Variants in SLFN12 observed in about 807,000 individuals in gnomAD.
The protein encoded by SLFN12 is ribonuclease SLFN12.
A neutral mutation model predicts 29.1 loss-of-function variants in SLFN12; 25 were observed. The observed-to-expected ratio is 0.86, with a 90% CI of 0.63 to 1.20. SLFN12 has a LOEUF of 1.20. SLFN12 is among the 50% of genes most tolerant of loss of function. The pLI, the probability that SLFN12 is intolerant of heterozygous loss-of-function variation, is 0.00. For missense variants in SLFN12, 660 were observed against 666.2 expected (o/e 0.99, Z 0.10); for synonymous variants, 257 against 238.7 (o/e 1.08, Z -0.71).
chr17:35,420,242 T>C (rs747006472), intron 3 of SLFN12, 32 bp downstream of exon 3: 5 of 1,515,068 alleles, frequency 3.3e-6, no homozygotes, highest in Non-Finnish European at 4.6e-6. Context: ...ACAGTCACAC[T>C]AACAAATCCG....
At chr17:35,420,594 A>G (rs1597774295) in intron 2 of SLFN12, 1 of 370,144 alleles carries the variant, frequency 2.7e-6, no homozygotes, top group Admixed American at 4.5e-5. Flanking sequence ...ATGAAAATTA[A>G]CAGTAAAAAT....
intron 3 of SLFN12, among the ~76,000 whole-genome samples, chr17:35,414,384 T>G (rs1397264263): frequency 6.6e-6 from 1 of 152,008 alleles, no homozygotes; most frequent in Non-Finnish European, 1.5e-5. Context: ...AAAAAATACT[T>G]GATAATAAAT....
At chr17:35,415,523 C>T in intron 3 of SLFN12, among the ~76,000 whole-genome samples, 1 of 151,930 alleles carries the variant, frequency 6.6e-6, no homozygotes, top group Non-Finnish European at 1.5e-5. Context: ...TGAGAAGTAA[C>T]TAAACTAAAA....
intron 1 of SLFN12, among the ~76,000 whole-genome samples, 163 bp from the exon 2 acceptor site, chr17:35,423,231 A>G (rs1245186074): frequency 6.6e-6 from 1 of 152,124 alleles, no homozygotes; most frequent in Non-Finnish European, 1.5e-5. Context: ...AGACCGCAAT[A>G]ATTTATACTC....
intron 1 of SLFN12, among the ~76,000 whole-genome samples, chr17:35,429,585 T>A (rs1912195827): frequency 6.6e-6 from 1 of 152,124 alleles, no homozygotes; most frequent in Non-Finnish European, 1.5e-5. Context: ...TGTTGTTGGC[T>A]ATCTTTAATG....
chr17:35,411,413 T>A lies in SLFN12; in HGVS notation c.1662A>T (p.Leu554=), dbSNP rs763297876. ...AGCAATCTATACCGATTATCTGGTA[T>A]AGATTTTCTGCAAAGGAAAACTGGT... is the stretch of plus-strand genomic sequence containing the variant. ...LRDQFSFAEN[L]YQIIGIDCFQ... is the part of the protein sequence containing the mutation. The change falls in exon 4 of 4, where the codon CTA becomes CTT. Residue 554 remains leucine (L), a synonymous_variant. Transcript: ENST00000304905. 1 of 1,610,212 alleles carries A rather than the reference T, an allele frequency of 6.2e-7. No individual in the cohort carries two copies. The highest frequency in any genetic ancestry group is 1.3e-5 in the African/African-American group (1 of 74,562).
At position 35,422,806 on chromosome 17, in the gene SLFN12, T is replaced by C. The variant is rs756347599; in HGVS notation, c.223A>G (p.Ile75Val). ...NEDYSYTKDG[I>V]GLDLENSFSN... is the part of the protein sequence containing the mutation. Reference sequence around the variant, plus strand: ...AAAGAATTTTCCAAATCTAGTCCTATTCCATCTTTTGTATAACTATAGTCT... The same window carrying C: ...AAAGAATTTTCCAAATCTAGTCCTACTCCATCTTTTGTATAACTATAGTCT... Residue 75 changes from isoleucine (I) to valine (V), a missense_variant, in exon 2 of 4, where the codon ATA becomes GTA. By Grantham distance (29) the Ile-to-Val change is conservative. Coordinates refer to ENST00000304905, the MANE Select transcript of SLFN12 (RefSeq NM_018042.5). The C allele has an allele frequency of 6.2e-7, 1 of 1,613,768 alleles. No individual in the cohort carries two copies.
chr17:35,414,264 A>G (rs1911197166), intron 3 of SLFN12, among the ~76,000 whole-genome samples: 1 of 152,144 alleles, frequency 6.6e-6, no homozygotes, highest in African/African-American at 2.4e-5. Flanking sequence ...CAGAACAAAT[A>G]AAAGAATTCA....
At position 35,420,276 on chromosome 17, in the gene SLFN12, G is replaced by C. The variant is rs1315988691; in HGVS notation, c.1145C>G (p.Pro382Arg). 6.2e-7 allele frequency: 1 copy of C among 1,607,280 alleles called. No homozygotes were observed. The highest frequency in any genetic ancestry group is 1.1e-5 in the South Asian group (1 of 90,860). ...CGAAGAAGCCAGAATGAAATTACCTGGACAGTGATGTCTCTGCCGTTGCCA... is the reference window on the plus strand; with the variant it reads ...CGAAGAAGCCAGAATGAAATTACCTCGACAGTGATGTCTCTGCCGTTGCCA... Reference protein sequence around the residue: ...LEWQRQRHHCPGLSGRITYTP... With the variant: ...LEWQRQRHHCRGLSGRITYTP... The change falls in exon 3 of 4, where the codon CCA (proline) becomes CGA (arginine). Residue 382 changes from proline (P) to arginine (R), a missense_variant and splice_region_variant. By Grantham distance (103) the Pro-to-Arg change is moderately radical. Coordinates refer to ENST00000304905, the MANE Select transcript of SLFN12 (RefSeq NM_018042.5).
Position 35,422,412 on chromosome 17 carries a change from A to G in SLFN12, c.617T>C (p.Ile206Thr). 6.2e-7 allele frequency: 1 copy of G among 1,613,866 alleles called. No homozygotes were observed. Among genetic ancestry groups the G allele is most frequent in the Non-Finnish European group, 8.5e-7 (1 of 1,179,936 alleles). ...LTFTESTHVE[I>T]KNFSTEKLLQ... ...CAACTTTTCTGTCGAGAAGTTTTTAATTTCAACATGTGTGGATTCAGTAAA... is the reference window on the plus strand; with the variant it reads ...CAACTTTTCTGTCGAGAAGTTTTTAGTTTCAACATGTGTGGATTCAGTAAA... The change falls in exon 2 of 4, where the codon ATT (isoleucine) becomes ACT (threonine). Residue 206 changes from isoleucine (I) to threonine (T), a missense_variant. By Grantham distance (89) the Ile-to-Thr change is moderately conservative. Transcript: ENST00000304905.
chr17:35,419,453 T>C (rs535197767), intron 3 of SLFN12, among the ~76,000 whole-genome samples: 1 of 152,150 alleles, frequency 6.6e-6, no homozygotes, highest in South Asian at 2.1e-4. Flanking sequence ...ATTAGAAAAA[T>C]GGTCAAAGAC....
chr17:35,424,352 TA>T (rs1272628255), intron 1 of SLFN12, among the ~76,000 whole-genome samples: 1 of 152,082 alleles, frequency 6.6e-6, no homozygotes, highest in South Asian at 2.1e-4. Flanking sequence ...TTTAACTTTT[TA>T]AAAAAAGTGT....
intron 1 of SLFN12, among the ~76,000 whole-genome samples, chr17:35,428,134 A>G (rs1912112687): frequency 6.6e-6 from 1 of 152,178 alleles, no homozygotes; most frequent in Admixed American, 6.5e-5. Context: ...AAGTATATAG[A>G]GTGTATATAT....
intron 1 of SLFN12, chr17:35,430,338 T>C (rs1394993567): frequency 1.3e-5 from 2 of 152,160 alleles, no homozygotes; most frequent in Non-Finnish European, 2.9e-5. Context: ...GTTTGGTCTG[T>C]TGGGGCCATG....
Position 35,411,534 on chromosome 17 carries a change from G to C in SLFN12, c.1541C>G (p.Ser514Trp). 6.2e-7 allele frequency: 1 copy of C among 1,613,982 alleles called. No homozygotes were observed. The highest frequency in any genetic ancestry group is 8.5e-7 in the Non-Finnish European group (1 of 1,179,982). ...GMTSCQYDLR[S>W]QVIYPESYYF... The stretch of plus-strand genomic sequence containing the variant: ...GTAGGATTCAGGGTAAATTACTTGC[G>C]ACCTTAAATCATACTGGCAGCTTGT... The change falls in exon 4 of 4, where the codon TCG (serine) becomes TGG (tryptophan). Residue 514 changes from serine (S) to tryptophan (W), a missense_variant. Coordinates refer to ENST00000304905, the MANE Select transcript of SLFN12 (RefSeq NM_018042.5).
chr17:35,425,818 T>TTTTTC lies in SLFN12; in HGVS notation c.-40-2755_-40-2751dup, dbSNP rs1397735905. Among the ~76,000 whole-genome samples the TTTTTC allele has an allele frequency of 8.1e-3, 1,140 of 140,204 alleles. 36 individuals are homozygous for TTTTTC. Among genetic ancestry groups the TTTTTC allele is most frequent in the South Asian group, 0.035 (117 of 3,306 alleles). The allele number at this position is 140,204 out of a possible 152,430, so 92.0% of individuals were successfully genotyped here. On this transcript the variant is annotated intron_variant, in intron 1 of 3. Transcript: ENST00000304905. ...AGGTTGCTGAATCATATGGTGGTTC[T>TTTTTC]TTTTCTTTTCTTTTCTTTTCTTTTT...
At position 35,411,597 on chromosome 17, in the gene SLFN12, A is replaced by G. The variant is rs757296620; in HGVS notation, c.1478T>C (p.Val493Ala). The G allele has an allele frequency of 3.7e-6, 6 of 1,614,072 alleles. No individual in the cohort carries two copies. The highest frequency in any genetic ancestry group is 1.1e-5 in the South Asian group (1 of 91,076). ...GCTCAAGTAGAAGATCTTTGTCATGACACACACTTTTTTAGTGTAACCACC... is the reference window on the plus strand; with the variant it reads ...GCTCAAGTAGAAGATCTTTGTCATGGCACACACTTTTTTAGTGTAACCACC... ...KIGGYTKKVC[V>A]MTKIFYLSPE... Residue 493 changes from valine (V) to alanine (A), a missense_variant, in exon 4 of 4, where the codon GTC becomes GCC. By Grantham distance (64) the Val-to-Ala change is moderately conservative. Coordinates refer to ENST00000304905, the MANE Select transcript of SLFN12 (RefSeq NM_018042.5).
intron 3 of SLFN12, among the ~76,000 whole-genome samples, chr17:35,414,254 C>T (rs1911196292): frequency 6.6e-6 from 1 of 151,966 alleles, no homozygotes; most frequent in East Asian, 1.9e-4. Flanking sequence ...AAAAAATGAT[C>T]AGAACAAATA....
chr17:35,418,483 A>T (rs906166000), intron 3 of SLFN12, among the ~76,000 whole-genome samples: 1 of 152,068 alleles, frequency 6.6e-6, no homozygotes, highest in African/African-American at 2.4e-5. Flanking sequence ...CTTCCTTATG[A>T]CTTTCTCAAT....
Sources: allele counts gnomAD v4.1 joint callset (sites outside exome capture counted in the v4.1 genomes callset), GRCh38; gene constraint gnomAD v4.1.1; transcripts MANE v1.5; gene names NCBI Gene and HGNC (gene_info 2026-07-23, HGNC 2026-07-21).